The following CDIN1 variants were observed in gnomAD, a reference collection of about 807,000 sequenced individuals.
CDIN1 encodes the protein CDAN1-interacting nuclease 1.
A neutral mutation model predicts 45.3 loss-of-function variants in CDIN1; 33 were observed. The ratio of observed to expected loss-of-function variants is 0.73; its 90% CI spans 0.55 to 0.97. The LOEUF (loss-of-function observed/expected upper bound fraction) is 0.97, where lower values mean the gene tolerates loss of function less well. CDIN1 is among the 50% of genes least tolerant of loss of function. The probability of loss-of-function intolerance (pLI) is 0.00; values close to 1 mark genes in which losing one functional copy is unlikely to be tolerated. For synonymous variants in CDIN1, 118 were observed against 124.4 expected, an observed-to-expected ratio of 0.95 and a Z score of 0.34; for missense variants, 303 against 339.4, an observed-to-expected ratio of 0.89 and a Z score of 0.84.
intron 5 of CDIN1, chr15:36,669,136 C>T (rs2041356332): frequency 6.6e-6 from 1 of 152,120 alleles, no homozygotes; most frequent in Non-Finnish European, 1.5e-5. Context: ...ATGAAAGCTA[C>T]ATAGAATGGA....
At chr15:36,684,250 T>C (rs1430879251) in intron 5 of CDIN1, among the ~76,000 whole-genome samples, 1 of 151,572 alleles carries the variant, frequency 6.6e-6, no homozygotes, top group Non-Finnish European at 1.5e-5. Context: ...ATACGTCCCA[T>C]CAATACCTAA....
chr15:36,644,271 GTT>G lies in CDIN1; in HGVS notation c.102-6_102-5del. On this transcript the variant is annotated splice_region_variant and splice_polypyrimidine_tract_variant and intron_variant, in intron 1 of 10. Coordinates refer to ENST00000566621, the MANE Select transcript of CDIN1 (RefSeq NM_001321759.2). Reference sequence around the variant, plus strand: ...AATTAACTTTGTCCTTCTTTTATTTGTTCCAGTCAATCGCAGGCCACTCTGCT... The same window carrying G: ...AATTAACTTTGTCCTTCTTTTATTTGCCAGTCAATCGCAGGCCACTCTGCT... 1 of 1,613,048 alleles carries G rather than the reference GTT, an allele frequency of 6.2e-7. No individual in the cohort carries two copies.
At chr15:36,647,908 C>T (rs551262969) in intron 3 of CDIN1, among the ~76,000 whole-genome samples, 285 of 149,868 alleles carry the variant, frequency 1.9e-3, no homozygotes, top group Non-Finnish European at 2.9e-3. Flanking sequence ...GACGCAATCT[C>T]GGCTCACTGC....
intron 10 of CDIN1, among the ~76,000 whole-genome samples, chr15:36,757,365 A>C (rs1424240769): frequency 1.3e-5 from 2 of 152,186 alleles, no homozygotes; most frequent in African/African-American, 2.4e-5. Flanking sequence ...TCTTCACAGT[A>C]GTGAGTTGTA....
intron 5 of CDIN1, among the ~76,000 whole-genome samples, chr15:36,671,026 C>T (rs2041432160): frequency 1.3e-5 from 2 of 152,144 alleles, no homozygotes; most frequent in South Asian, 4.1e-4. Flanking sequence ...TATCCAGCAG[C>T]ATTTCCTCTG....
At chr15:36,611,008 A>G (rs2038622974) in intron 1 of CDIN1, among the ~76,000 whole-genome samples, 1 of 152,226 alleles carries the variant, frequency 6.6e-6, no homozygotes, top group Admixed American at 6.5e-5. Flanking sequence ...TCAAGGTTAC[A>G]AGAGTGATGA....
chr15:36,601,207 A>G (rs1162960193), intron 1 of CDIN1, among the ~76,000 whole-genome samples: 1 of 152,176 alleles, frequency 6.6e-6, no homozygotes, highest in African/African-American at 2.4e-5. Context: ...AGGGGTTGAG[A>G]CTAGGTACGA....
At chr15:36,619,009 T>C in intron 1 of CDIN1, 1 of 1,491,472 alleles carries the variant, frequency 6.7e-7, no homozygotes, top group African/African-American at 1.4e-5. Context: ...GTAGCCACTA[T>C]GGGAACTTCG....
intron 5 of CDIN1, among the ~76,000 whole-genome samples, chr15:36,661,780 T>C (rs1446614914): frequency 1.3e-5 from 2 of 152,200 alleles, no homozygotes; most frequent in Non-Finnish European, 2.9e-5. Context: ...ACACTAATAA[T>C]GGTGACTTTC....
At chr15:36,785,414 T>G (rs560518913) in intron 10 of CDIN1, among the ~76,000 whole-genome samples, 3 of 151,976 alleles carry the variant, frequency 2.0e-5, no homozygotes, top group South Asian at 4.2e-4. Flanking sequence ...TGAAAAGCGG[T>G]TGGATAATCA....
At chr15:36,663,099 T>A (rs1478918665) in intron 5 of CDIN1, among the ~76,000 whole-genome samples, 1 of 152,048 alleles carries the variant, frequency 6.6e-6, no homozygotes, top group African/African-American at 2.4e-5. Flanking sequence ...GTTTGTAGAA[T>A]TAGAGGAAGC....
At chr15:36,692,957 G>T (rs1280144094) in intron 7 of CDIN1, among the ~76,000 whole-genome samples, 1 of 152,110 alleles carries the variant, frequency 6.6e-6, no homozygotes, top group East Asian at 1.9e-4. Context: ...ATTTTTATGA[G>T]AATAATTTCT....
At chr15:36,700,929 T>C (rs112110629) in intron 8 of CDIN1, among the ~76,000 whole-genome samples, 1 of 151,864 alleles carries the variant, frequency 6.6e-6, no homozygotes, top group South Asian at 2.1e-4. Context: ...TTTTAAAATT[T>C]TGTGGTGGTA....
chr15:36,690,337 CTG>C (rs780374620), intron 5 of CDIN1, among the ~76,000 whole-genome samples: 12 of 151,694 alleles, frequency 7.9e-5, no homozygotes, highest in Non-Finnish European at 1.6e-4. Context: ...GGCTCGATCA[CTG>C]CTCACTGCAA....
At chr15:36,710,632 C>A (rs989235170) in intron 10 of CDIN1, among the ~76,000 whole-genome samples, 1 of 152,164 alleles carries the variant, frequency 6.6e-6, no homozygotes, top group Non-Finnish European at 1.5e-5. Flanking sequence ...TCCAGCACAA[C>A]CCTATTGTCA....
At chr15:36,587,109 A>G (rs1302263204) in intron 1 of CDIN1, among the ~76,000 whole-genome samples, 2 of 152,210 alleles carry the variant, frequency 1.3e-5, no homozygotes, top group Non-Finnish European at 2.9e-5. Flanking sequence ...CGCTAAGCAA[A>G]TAGATATCTG....
intron 1 of CDIN1, among the ~76,000 whole-genome samples, chr15:36,595,290 T>TTATAATATAA (rs36228170): frequency 0.056 from 7,975 of 141,328 alleles, 294 homozygotes; most frequent in East Asian, 0.1. Context: ...TACACTTACA[T>TTATAATATAA]TATAATATAA....
At chr15:36,662,757 G>T (rs150834788) in intron 5 of CDIN1, among the ~76,000 whole-genome samples, 86 of 151,266 alleles carry the variant, frequency 5.7e-4, no homozygotes, top group African/African-American at 1.9e-3. Context: ...ACTCATCAAA[G>T]AACTCATAGT....
At chr15:36,745,275 A>C (rs1022470123) in intron 10 of CDIN1, among the ~76,000 whole-genome samples, 1 of 152,170 alleles carries the variant, frequency 6.6e-6, no homozygotes, top group Non-Finnish European at 1.5e-5. Flanking sequence ...TAAATTTGTC[A>C]TTATTTTCCA....
Sources: allele counts gnomAD v4.1 joint callset (sites outside exome capture counted in the v4.1 genomes callset), GRCh38; gene constraint gnomAD v4.1.1; transcripts MANE v1.5; gene names NCBI Gene and HGNC (gene_info 2026-07-23, HGNC 2026-07-21).